The following CSMD1 variants were observed in gnomAD, a reference collection of about 807,000 sequenced individuals.
The protein encoded by CSMD1 is CUB and Sushi multiple domains 1.
In CSMD1, 213 loss-of-function variants were observed where a neutral mutation model predicts 417.5. That is an observed-to-expected ratio of 0.51 (90% CI 0.46 to 0.57). The LOEUF is 0.57. CSMD1 is among the 20% of genes least tolerant of loss of function. The pLI, the probability that CSMD1 is intolerant of heterozygous loss-of-function variation, is 0.00. For missense variants in CSMD1, 6,923 were observed against 4,529.7 expected, an observed-to-expected ratio of 1.53 and a Z score of -15.17; for synonymous variants, 2,862 against 1,736.8, an observed-to-expected ratio of 1.65 and a Z score of -16.11.
At chr8:4,068,154 G>C (rs182654545) in intron 3 of CSMD1, among the ~76,000 whole-genome samples, 8 of 152,294 alleles carry the variant, frequency 5.3e-5, no homozygotes, top group Middle Eastern at 6.8e-3. Context: ...GGTCTATAGA[G>C]AGTCATTTAG....
At chr8:3,136,102 C>T (rs904692145) in intron 41 of CSMD1, among the ~76,000 whole-genome samples, 7 of 152,140 alleles carry the variant, frequency 4.6e-5, no homozygotes, top group African/African-American at 1.4e-4. Flanking sequence ...TTGTCCCCCC[C>T]TCATGCATTA....
intron 12 of CSMD1, among the ~76,000 whole-genome samples, chr8:3,427,796 C>A (rs1813950424): frequency 6.6e-6 from 1 of 152,188 alleles, no homozygotes; most frequent in South Asian, 2.1e-4. Context: ...CAAGAGACTA[C>A]TTTAAAAACC....
intron 3 of CSMD1, among the ~76,000 whole-genome samples, chr8:4,397,412 G>A (rs533147455): frequency 6.7e-6 from 1 of 149,850 alleles, no homozygotes; most frequent in Non-Finnish European, 1.5e-5. Context: ...TTCAAAATAA[G>A]AAATCATTAG....
At chr8:3,655,118 A>G (rs1427197078) in intron 7 of CSMD1, among the ~76,000 whole-genome samples, 1 of 152,174 alleles carries the variant, frequency 6.6e-6, no homozygotes, top group Non-Finnish European at 1.5e-5. Context: ...ATACACATTA[A>G]TTTTCCAAGC....
intron 3 of CSMD1, among the ~76,000 whole-genome samples, chr8:4,219,989 A>T (rs1008958414): frequency 6.6e-6 from 1 of 152,102 alleles, no homozygotes; most frequent in Admixed American, 6.5e-5. Flanking sequence ...TCACTCTGTC[A>T]CCCAGGCTGG....
At chr8:4,787,075 C>G (rs939592043) in intron 1 of CSMD1, among the ~76,000 whole-genome samples, 2 of 152,154 alleles carry the variant, frequency 1.3e-5, no homozygotes, top group African/African-American at 4.8e-5. Context: ...AATATTAGAT[C>G]TAATTACTGA....
At chr8:4,612,017 T>C (rs560725753) in intron 2 of CSMD1, among the ~76,000 whole-genome samples, 14 of 152,224 alleles carry the variant, frequency 9.2e-5, no homozygotes, top group Non-Finnish European at 8.8e-5. Flanking sequence ...ATTTTAACCA[T>C]CTAATTGGAA....
At chr8:3,605,593 T>A (rs1486948467) in intron 8 of CSMD1, among the ~76,000 whole-genome samples, 1 of 152,212 alleles carries the variant, frequency 6.6e-6, no homozygotes, top group African/African-American at 2.4e-5. Context: ...TTTTCCTTAA[T>A]GTACTTCAGT....
chr8:3,407,431 AGATGGAAGGATG>A (rs976251901), intron 14 of CSMD1, among the ~76,000 whole-genome samples: 6 of 143,002 alleles, frequency 4.2e-5, no homozygotes, highest in Non-Finnish European at 9.3e-5. Context: ...ATGGATGGAT[AGATGGAAGGATG>A]GATGGAAAGA....
At chr8:4,659,721 G>A (rs755057197) in intron 1 of CSMD1, among the ~76,000 whole-genome samples, 2 of 152,044 alleles carry the variant, frequency 1.3e-5, no homozygotes, top group Non-Finnish European at 2.9e-5. Flanking sequence ...AGATGGAGGT[G>A]GTAGTTATAC....
intron 1 of CSMD1, among the ~76,000 whole-genome samples, chr8:4,924,625 G>C (rs764256386): frequency 7.4e-6 from 1 of 135,528 alleles, no homozygotes; most frequent in Admixed American, 8.8e-5. Flanking sequence ...AGGAGGCTGA[G>C]ACAAGAGAAT....
chr8:3,614,005 G>C lies in CSMD1; in HGVS notation c.1097+2705C>G, dbSNP rs911458415. ...TATTTGTAGATAACAAAATCACCTAGGGAGAAAGTTCTAGGAAATCTATCA... is the reference window on the plus strand; with the variant it reads ...TATTTGTAGATAACAAAATCACCTACGGAGAAAGTTCTAGGAAATCTATCA... On this transcript the variant is annotated intron_variant, in intron 8 of 69. Coordinates refer to ENST00000635120, the MANE Select transcript of CSMD1 (RefSeq NM_033225.6). Among the ~76,000 whole-genome samples the C allele has an allele frequency of 4.0e-5, 6 of 151,702 alleles. No homozygotes were observed. The South Asian group carries it at 6.2e-4, about 16-fold the overall frequency.
At chr8:4,085,976 A>T (rs776684233) in intron 3 of CSMD1, among the ~76,000 whole-genome samples, 5 of 152,198 alleles carry the variant, frequency 3.3e-5, no homozygotes, top group Non-Finnish European at 5.9e-5. Flanking sequence ...AATTACCTTG[A>T]AATAAAAACT....
intron 3 of CSMD1, among the ~76,000 whole-genome samples, chr8:4,337,093 G>A (rs1480815925): frequency 1.3e-5 from 2 of 152,070 alleles, no homozygotes; most frequent in Non-Finnish European, 2.9e-5. Context: ...GGTTGCCAAC[G>A]TTGCGGCCAC....
intron 1 of CSMD1, among the ~76,000 whole-genome samples, chr8:4,879,683 T>C (rs1194710801): frequency 6.6e-6 from 1 of 151,760 alleles, no homozygotes; most frequent in African/African-American, 2.4e-5. Context: ...AGCAGGAGAA[T>C]CGGGAGAGGT....
intron 1 of CSMD1, among the ~76,000 whole-genome samples, chr8:4,848,899 T>C (rs1801304536): frequency 6.6e-6 from 1 of 152,242 alleles, no homozygotes; most frequent in Non-Finnish European, 1.5e-5. Flanking sequence ...ATAGTTTTAC[T>C]ATATTGTACT....
chr8:3,605,110 T>G (rs1299311985), intron 8 of CSMD1, among the ~76,000 whole-genome samples: 18 of 152,196 alleles, frequency 1.2e-4, no homozygotes, highest in Non-Finnish European at 2.9e-5. Flanking sequence ...TTCTCCTGCC[T>G]CAGCCTCCCG....
chr8:4,050,641 T>G (rs1322683789), intron 3 of CSMD1, among the ~76,000 whole-genome samples: 2 of 152,128 alleles, frequency 1.3e-5, no homozygotes, highest in African/African-American at 4.8e-5. Flanking sequence ...TATCAAATAC[T>G]AGATCTTATT....
chr8:3,401,439 T>C (rs1812032463), intron 15 of CSMD1, among the ~76,000 whole-genome samples: 1 of 152,172 alleles, frequency 6.6e-6, no homozygotes, highest in South Asian at 2.1e-4. Flanking sequence ...CCTGAATTGC[T>C]TTATCCTGAT....
Sources: allele counts gnomAD v4.1 joint callset (sites outside exome capture counted in the v4.1 genomes callset), GRCh38; gene constraint gnomAD v4.1.1; transcripts MANE v1.5; gene names NCBI Gene and HGNC (gene_info 2026-07-23, HGNC 2026-07-21).